NR6A1: variants seen among roughly 807,000 people sequenced by gnomAD.
The protein encoded by NR6A1 is retinoic acid receptor-related testis-associated receptor.
In NR6A1, 7 loss-of-function variants were observed where a neutral mutation model predicts 59.1. That is an observed-to-expected ratio of 0.12 (90% CI 0.07 to 0.22). NR6A1 has a LOEUF of 0.22. Among genes scored for constraint, NR6A1 ranks in the 10% least tolerant of loss-of-function variants. NR6A1 has a pLI of 1.00. For missense variants in NR6A1, 468 were observed against 611.6 expected (o/e 0.77, Z 2.48); for synonymous variants, 243 against 236.1 (o/e 1.03, Z -0.27).
At chr9:124,697,288 AC>A (rs2131037610) in intron 2 of NR6A1, among the ~76,000 whole-genome samples, 1 of 152,366 alleles carries the variant, frequency 6.6e-6, no homozygotes, top group East Asian at 1.9e-4. Context: ...CTGGACTGCA[AC>A]AGGAGCCAGG....
intron 1 of NR6A1, among the ~76,000 whole-genome samples, chr9:124,770,803 G>A (rs1049406417): frequency 6.6e-6 from 1 of 151,544 alleles, no homozygotes; most frequent in Non-Finnish European, 1.5e-5. Flanking sequence ...CCGCGCAGAA[G>A]GGAACAGGGA....
chr9:124,630,386 G>A (rs989106669), intron 2 of NR6A1, among the ~76,000 whole-genome samples: 3 of 150,958 alleles, frequency 2.0e-5, no homozygotes, highest in East Asian at 1.9e-4. Context: ...ATGACACCAC[G>A]CCTGGCTAAT....
chr9:124,655,471 C>G (rs1030083185), intron 2 of NR6A1, among the ~76,000 whole-genome samples: 5 of 152,156 alleles, frequency 3.3e-5, no homozygotes, highest in Admixed American at 3.3e-4. Context: ...TTATTATTTA[C>G]TAATTCACAT....
chr9:124,715,299 G>T (rs1839384913), intron 2 of NR6A1, among the ~76,000 whole-genome samples: 1 of 151,990 alleles, frequency 6.6e-6, no homozygotes, highest in African/African-American at 2.4e-5. Context: ...GAGGTGAGAG[G>T]GTAGCTTGTG....
At chr9:124,582,469 A>C (rs1834802726) in intron 2 of NR6A1, among the ~76,000 whole-genome samples, 1 of 152,170 alleles carries the variant, frequency 6.6e-6, no homozygotes, top group African/African-American at 2.4e-5. Flanking sequence ...AATGGATGCT[A>C]GGCTTAATAC....
chr9:124,653,418 T>C (rs999912091), intron 2 of NR6A1, among the ~76,000 whole-genome samples: 1 of 152,128 alleles, frequency 6.6e-6, no homozygotes, highest in Admixed American at 6.5e-5. Context: ...AGGTTTGTTT[T>C]GTTGTTGTTT....
At chr9:124,630,037 A>T (rs2130878420) in intron 2 of NR6A1, among the ~76,000 whole-genome samples, 1 of 152,342 alleles carries the variant, frequency 6.6e-6, no homozygotes, top group South Asian at 2.1e-4. Context: ...CATACATGTT[A>T]TCAAGAGAGA....
intron 9 of NR6A1, 116 bp from the exon 10 acceptor site, chr9:124,522,909 G>T: frequency 1.4e-6 from 1 of 726,934 alleles, no homozygotes; most frequent in Non-Finnish European, 2.3e-6. Flanking sequence ...TGGGGCAAGA[G>T]AAGTGCCAGG....
At chr9:124,698,301 A>G (rs970678724) in intron 2 of NR6A1, 1 of 152,224 alleles carries the variant, frequency 6.6e-6, no homozygotes, top group Non-Finnish European at 1.5e-5. Context: ...AAAAGGAAAA[A>G]CAAAGATTTC....
intron 2 of NR6A1, among the ~76,000 whole-genome samples, chr9:124,626,546 C>T (rs1244851819): frequency 6.6e-6 from 1 of 152,176 alleles, no homozygotes; most frequent in Non-Finnish European, 1.5e-5. Flanking sequence ...CTTCCAGAGC[C>T]TCCAGCATGA....
chr9:124,534,804 G>A (rs994255705), intron 7 of NR6A1, among the ~76,000 whole-genome samples: 1 of 152,136 alleles, frequency 6.6e-6, no homozygotes, highest in African/African-American at 2.4e-5. Flanking sequence ...CTATAAGGCT[G>A]GAGGCTGCGA....
Position 124,521,195 on chromosome 9 carries a change from A to C in NR6A1, c.*1510T>G, listed in dbSNP as rs990687232. ...TGGGTGTAGGCAGGACAAGCACCTG[A>C]AAGAGTTCAAAGACAGACCTGGTGT... On this transcript the variant is annotated 3_prime_UTR_variant, in exon 10 of 10. Transcript: ENST00000487099. The C allele has an allele frequency of 6.6e-6, 1 of 152,328 alleles. No homozygotes were observed. 9.4% of individuals were successfully genotyped at this position (152,328 alleles called of 1,614,324 possible).
chr9:124,662,762 T>C (rs1837484681), intron 2 of NR6A1, among the ~76,000 whole-genome samples: 2 of 152,178 alleles, frequency 1.3e-5, no homozygotes, highest in African/African-American at 4.8e-5. Context: ...GCAGGCTGCT[T>C]TGTCAAAAAA....
chr9:124,722,765 T>A (rs571975966), intron 2 of NR6A1, among the ~76,000 whole-genome samples: 1 of 152,194 alleles, frequency 6.6e-6, no homozygotes, highest in Non-Finnish European at 1.5e-5. Flanking sequence ...ACACCCAGGC[T>A]AGAATGCAGT....
intron 2 of NR6A1, among the ~76,000 whole-genome samples, chr9:124,592,628 T>C (rs1035032715): frequency 1.3e-5 from 2 of 152,220 alleles, no homozygotes; most frequent in African/African-American, 4.8e-5. Context: ...AGTTTTCAAC[T>C]CAAGAAGCCT....
chr9:124,602,319 G>A (rs1564197508), intron 2 of NR6A1, among the ~76,000 whole-genome samples: 1 of 152,182 alleles, frequency 6.6e-6, no homozygotes, highest in Admixed American at 6.5e-5. Context: ...GTCTAAACAA[G>A]TTGGGACTTA....
chr9:124,711,049 C>T (rs1281461324), intron 2 of NR6A1, among the ~76,000 whole-genome samples: 1 of 151,944 alleles, frequency 6.6e-6, no homozygotes, highest in Non-Finnish European at 1.5e-5. Context: ...GAACCATACC[C>T]AATTGTTAAA....
intron 1 of NR6A1, among the ~76,000 whole-genome samples, chr9:124,737,210 C>T (rs537814721): frequency 1.3e-5 from 2 of 152,204 alleles, no homozygotes; most frequent in Non-Finnish European, 2.9e-5. Context: ...TCACAAAGAT[C>T]CTGATTATAA....
At chr9:124,555,019 T>C (rs1833885730) in intron 2 of NR6A1, among the ~76,000 whole-genome samples, 1 of 152,096 alleles carries the variant, frequency 6.6e-6, no homozygotes, top group African/African-American at 2.4e-5. Flanking sequence ...ATCCAGCCAA[T>C]AAATATTTAC....
Sources: allele counts gnomAD v4.1 joint callset (sites outside exome capture counted in the v4.1 genomes callset), GRCh38; gene constraint gnomAD v4.1.1; transcripts MANE v1.5; gene names NCBI Gene and HGNC (gene_info 2026-07-23, HGNC 2026-07-21).